The following GPHN variants were observed in gnomAD, a reference collection of about 807,000 sequenced individuals.
GPHN encodes gephyrin.
In GPHN, 17 loss-of-function variants were observed where a neutral mutation model predicts 95.5. The ratio of observed to expected loss-of-function variants is 0.18; its 90% CI spans 0.12 to 0.27. The LOEUF (loss-of-function observed/expected upper bound fraction) is 0.27. Among genes scored for constraint, GPHN ranks in the 10% least tolerant of loss-of-function variants. The pLI is 1.00. For synonymous variants in GPHN, 320 were observed against 322.5 expected, an observed-to-expected ratio of 0.99 and a Z score of 0.08; for missense variants, 660 against 978.1, an observed-to-expected ratio of 0.67 and a Z score of 4.34.
intron 5 of GPHN, among the ~76,000 whole-genome samples, chr14:66,895,915 C>T (rs1335437381): frequency 6.6e-6 from 1 of 152,102 alleles, no homozygotes; most frequent in Non-Finnish European, 1.5e-5. Context: ...AACAAAATAC[C>T]TTAGACTGGG....
At chr14:67,098,492 T>G (rs960314440) in intron 12 of GPHN, among the ~76,000 whole-genome samples, 24 of 151,986 alleles carry the variant, frequency 1.6e-4, no homozygotes, top group Non-Finnish European at 2.6e-4. Flanking sequence ...CAATGCTAAT[T>G]TCCCCCTTGT....
the GPHN span, chr14:67,412,220 C>T: frequency 1.9e-6 from 1 of 518,086 alleles, no homozygotes; most frequent in Non-Finnish European, 3.2e-6. Flanking sequence ...GCCTGAGGCC[C>T]CGGGGCAGGA....
the GPHN span, among the ~76,000 whole-genome samples, chr14:67,671,802 G>A: frequency 1.3e-5 from 2 of 152,160 alleles, no homozygotes; most frequent in Admixed American, 6.5e-5. Context: ...GAAGATGGAA[G>A]GGCAACAGAT....
the GPHN span, among the ~76,000 whole-genome samples, chr14:67,623,082 T>C: frequency 2.6e-5 from 4 of 152,180 alleles, no homozygotes; most frequent in Admixed American, 2.0e-4. Flanking sequence ...TCAAATATAT[T>C]TAATTGTACA....
chr14:67,091,266 A>C (rs1249436703), intron 12 of GPHN, among the ~76,000 whole-genome samples: 2 of 152,018 alleles, frequency 1.3e-5, no homozygotes, highest in Non-Finnish European at 2.9e-5. Flanking sequence ...CAAATTCCCA[A>C]TGGCTCCTAT....
chr14:66,552,960 A>C (rs1028797260), intron 1 of GPHN, among the ~76,000 whole-genome samples: 53 of 144,836 alleles, frequency 3.7e-4, no homozygotes, highest in African/African-American at 1.2e-3. Flanking sequence ...GATTGGCTAA[A>C]CTTCTTTTTT....
chr14:66,864,008 A>G (rs1312158884), intron 4 of GPHN, among the ~76,000 whole-genome samples: 1 of 152,194 alleles, frequency 6.6e-6, no homozygotes, highest in Non-Finnish European at 1.5e-5. Flanking sequence ...CAAAGGAACA[A>G]TCAACAAAAT....
At chr14:67,315,755 C>T in the GPHN span, among the ~76,000 whole-genome samples, 1 of 152,060 alleles carries the variant, frequency 6.6e-6, no homozygotes, top group Non-Finnish European at 1.5e-5. Context: ...TGAAACCGAG[C>T]CTCTACTAAA....
At chr14:67,614,600 CA>C in the GPHN span, among the ~76,000 whole-genome samples, 82 of 140,476 alleles carry the variant, frequency 5.8e-4, no homozygotes, top group Non-Finnish European at 5.0e-4. Flanking sequence ...CCCATCTCTC[CA>C]AAAAAAAAAA....
the GPHN span, chr14:67,581,116 C>T: frequency 1.1e-6 from 1 of 873,034 alleles, no homozygotes. Flanking sequence ...CTCGACTAGA[C>T]AGCCTATCCA....
intron 12 of GPHN, among the ~76,000 whole-genome samples, chr14:67,089,547 C>T (rs1331357902): frequency 1.3e-5 from 2 of 152,078 alleles, no homozygotes; most frequent in Non-Finnish European, 2.9e-5. Flanking sequence ...TTTATTCTTT[C>T]CGTTCCTACA....
intron 2 of GPHN, among the ~76,000 whole-genome samples, chr14:66,701,812 G>T (rs1241426982): frequency 6.6e-6 from 1 of 152,182 alleles, no homozygotes; most frequent in Non-Finnish European, 1.5e-5. Flanking sequence ...AGCTATGGCT[G>T]CCTACTGTCT....
intron 9 of GPHN, among the ~76,000 whole-genome samples, chr14:67,013,786 T>A (rs775175717): frequency 6.6e-6 from 1 of 151,964 alleles, no homozygotes; most frequent in Non-Finnish European, 1.5e-5. Context: ...AGGGTTTTTT[T>A]AATGATCAAA....
chr14:67,371,437 TAAG>T, the GPHN span, among the ~76,000 whole-genome samples: 2 of 151,896 alleles, frequency 1.3e-5, no homozygotes, highest in African/African-American at 4.8e-5. Context: ...AAAAAAAAGT[TAAG>T]GAGGCGGGAA....
the GPHN span, chr14:67,279,131 A>G: frequency 6.7e-7 from 1 of 1,500,382 alleles, no homozygotes; most frequent in Non-Finnish European, 8.9e-7. Context: ...TATAGGAAAA[A>G]TTGATTTATA....
At chr14:67,319,903 C>T in the GPHN span, among the ~76,000 whole-genome samples, 7 of 152,142 alleles carry the variant, frequency 4.6e-5, no homozygotes, top group Admixed American at 3.3e-4. Flanking sequence ...TCAAAAATGA[C>T]GGATATTACT....
At chr14:67,641,801 ACT>A in the GPHN span, among the ~76,000 whole-genome samples, 17 of 150,404 alleles carry the variant, frequency 1.1e-4, no homozygotes, top group Admixed American at 8.6e-4. Flanking sequence ...AAAAAATGAG[ACT>A]CTCTTTGTGT....
chr14:67,664,566 G>A, the GPHN span, among the ~76,000 whole-genome samples: 32 of 149,672 alleles, frequency 2.1e-4, no homozygotes, highest in African/African-American at 7.4e-5. Flanking sequence ...GCTCGGTCTC[G>A]GTTCACTGCA....
At chr14:66,786,171 G>A (rs1336318227) in intron 3 of GPHN, among the ~76,000 whole-genome samples, 1 of 152,010 alleles carries the variant, frequency 6.6e-6, no homozygotes, top group African/African-American at 2.4e-5. Context: ...AGGAGAAAGG[G>A]CACAATCACC....
Sources: allele counts gnomAD v4.1 joint callset (sites outside exome capture counted in the v4.1 genomes callset), GRCh38; gene constraint gnomAD v4.1.1; transcripts MANE v1.5; gene names NCBI Gene and HGNC (gene_info 2026-07-23, HGNC 2026-07-21).